Variants in STOX2 observed in about 807,000 individuals in gnomAD.
STOX2 encodes storkhead box 2, also known as storkhead-box protein 2.
In STOX2, 28 loss-of-function variants were observed where a neutral mutation model predicts 60.9. The ratio of observed to expected loss-of-function variants is 0.46; its 90% CI spans 0.34 to 0.63. The LOEUF (loss-of-function observed/expected upper bound fraction) is 0.63. Among genes scored for constraint, STOX2 ranks in the 30% least tolerant of loss-of-function variants. The pLI is 0.01. For synonymous variants in STOX2, 472 were observed against 463.9 expected (o/e 1.02, Z -0.22); for missense variants, 1,024 against 1,187.7 (o/e 0.86, Z 2.03).
At chr4:183,863,641 C>T (rs1740501095) in intron 1 of STOX2, among the ~76,000 whole-genome samples, 1 of 152,148 alleles carries the variant, frequency 6.6e-6, no homozygotes, top group South Asian at 2.1e-4. Context: ...TCTAGGATCT[C>T]AAAGCAGGAA....
At chr4:183,824,564 A>T (rs10016981) in intron 1 of STOX2, among the ~76,000 whole-genome samples, 9,748 of 151,918 alleles carry the variant, frequency 0.064, 1,000 homozygotes, top group African/African-American at 0.22. Context: ...TAATAAAATT[A>T]AAAAAAGATA....
At chr4:183,822,036 C>T (rs1400191341) in intron 1 of STOX2, among the ~76,000 whole-genome samples, 2 of 152,224 alleles carry the variant, frequency 1.3e-5, no homozygotes, top group Admixed American at 6.5e-5. Flanking sequence ...GATTTGCCCT[C>T]CTGGGCAGGG....
chr4:183,943,845 C>G (rs1742815040), intron 1 of STOX2, among the ~76,000 whole-genome samples: 1 of 152,132 alleles, frequency 6.6e-6, no homozygotes, highest in South Asian at 2.1e-4. Context: ...CCACTGCCCT[C>G]CAGCCTGGAC....
At chr4:183,867,415 CG>C (rs1560854169) in intron 1 of STOX2, among the ~76,000 whole-genome samples, 1 of 152,124 alleles carries the variant, frequency 6.6e-6, no homozygotes, top group Non-Finnish European at 1.5e-5. Context: ...AGGCCAAGAT[CG>C]GGACACAGCA....
chr4:183,866,914 A>G (rs1740580643), intron 1 of STOX2, among the ~76,000 whole-genome samples: 2 of 152,198 alleles, frequency 1.3e-5, no homozygotes, highest in African/African-American at 4.8e-5. Context: ...AAAAAGAACA[A>G]TGTATTTTAT....
chr4:184,021,423 G>T lies in STOX2; in HGVS notation c.*4139G>T, dbSNP rs1734587758. On this transcript the variant is annotated 3_prime_UTR_variant, in exon 4 of 4. Transcript: ENST00000308497. ...AAGTCAAAGAAAACAAATACATCTT[G>T]ACACTTTTGTCCATTTTCATTAAAA... 6.8e-6 allele frequency: 1 copy of T among 146,102 alleles called. No individual in the cohort carries two copies. Among genetic ancestry groups the T allele is most frequent in the African/African-American group, 2.6e-5 (1 of 38,992 alleles). 9.1% of individuals were successfully genotyped at this position (146,102 alleles called of 1,614,324 possible). A position where few individuals can be genotyped will look rare whatever the true frequency, so the allele number is the denominator to read the frequency against.
chr4:183,851,492 G>A (rs1262292011), intron 1 of STOX2, among the ~76,000 whole-genome samples: 16 of 45,522 alleles, frequency 3.5e-4, no homozygotes, highest in South Asian at 1.7e-3. Context: ...AAAGGATGAG[G>A]GAAAGGATGA....
chr4:183,930,565 C>T (rs927845974), intron 1 of STOX2, among the ~76,000 whole-genome samples: 5 of 150,656 alleles, frequency 3.3e-5, no homozygotes, highest in Admixed American at 1.3e-4. Flanking sequence ...ATTATATTGC[C>T]CAGGCTAGTC....
At chr4:184,008,886 A>G (rs890513800) in intron 2 of STOX2, among the ~76,000 whole-genome samples, 5 of 152,220 alleles carry the variant, frequency 3.3e-5, no homozygotes, top group African/African-American at 9.6e-5. Context: ...GAAACAGGAA[A>G]CAACAGGTAA....
chr4:183,855,292 A>G (rs1432865346), intron 1 of STOX2, among the ~76,000 whole-genome samples: 1 of 152,214 alleles, frequency 6.6e-6, no homozygotes, highest in Non-Finnish European at 1.5e-5. Flanking sequence ...CTGTTAGGGC[A>G]GCCCATGCCG....
At chr4:183,971,494 C>G (rs1419723618) in intron 1 of STOX2, among the ~76,000 whole-genome samples, 1 of 152,160 alleles carries the variant, frequency 6.6e-6, no homozygotes. Flanking sequence ...AAAGAGAGGA[C>G]AGCACTCATG....
intron 1 of STOX2, among the ~76,000 whole-genome samples, chr4:183,956,792 C>T (rs6810800): frequency 0.34 from 51,696 of 151,758 alleles, 9,656 homozygotes; most frequent in African/African-American, 0.48. Context: ...ATTTCTTCAG[C>T]TTCTTTTAAT....
chr4:183,802,002 C>T (rs145407895), intron 1 of STOX2, among the ~76,000 whole-genome samples: 52 of 152,316 alleles, frequency 3.4e-4, no homozygotes, highest in African/African-American at 1.2e-3. Context: ...GCACAGGCCA[C>T]GGTTAGTACC....
chr4:183,883,321 A>ATTTTT (rs200527349), intron 1 of STOX2, among the ~76,000 whole-genome samples: 2 of 148,622 alleles, frequency 1.3e-5, no homozygotes, highest in Non-Finnish European at 1.5e-5. Context: ...ACATGTTATA[A>ATTTTT]ATTTTTTTTT....
intron 1 of STOX2, among the ~76,000 whole-genome samples, chr4:183,933,992 T>C (rs888737491): frequency 2.6e-5 from 4 of 152,156 alleles, no homozygotes; most frequent in African/African-American, 9.7e-5. Context: ...AATTCAGACT[T>C]GATTCTATCT....
intron 1 of STOX2, among the ~76,000 whole-genome samples, chr4:183,923,511 C>T (rs1206408770): frequency 6.6e-6 from 1 of 152,208 alleles, no homozygotes; most frequent in Non-Finnish European, 1.5e-5. Context: ...ATAACCAACA[C>T]GGAAGGCAGA....
At chr4:183,979,584 A>G (rs1732575634) in intron 1 of STOX2, among the ~76,000 whole-genome samples, 1 of 152,156 alleles carries the variant, frequency 6.6e-6, no homozygotes, top group Non-Finnish European at 1.5e-5. Flanking sequence ...GAGCACTTGA[A>G]ATAATATTTT....
chr4:183,973,855 G>C (rs557836377), intron 1 of STOX2, among the ~76,000 whole-genome samples: 1 of 152,276 alleles, frequency 6.6e-6, no homozygotes, highest in South Asian at 2.1e-4. Flanking sequence ...TTAGCTGGGC[G>C]TGGTGGCGCA....
In STOX2 at chr4:183,859,365, G is replaced by C. The variant is rs530920034; in HGVS notation, c.364+61310G>C. 4.0e-4 allele frequency among the ~76,000 whole-genome samples: 61 copies of C among 152,348 alleles called. 2 individuals carry two copies. The South Asian group carries it at 0.012, about 30-fold the overall frequency. Reference sequence around the variant, plus strand: ...CAACAGGGCAAGATCACGACGCTGGGGAGGAAGAAAGGGTGTCCATCGGGT... The same window carrying C: ...CAACAGGGCAAGATCACGACGCTGGCGAGGAAGAAAGGGTGTCCATCGGGT... On this transcript the variant is annotated intron_variant, in intron 1 of 2. Transcript: ENST00000513034.
Sources: allele counts gnomAD v4.1 joint callset (sites outside exome capture counted in the v4.1 genomes callset), GRCh38; gene constraint gnomAD v4.1.1; transcripts MANE v1.5; gene names NCBI Gene and HGNC (gene_info 2026-07-23, HGNC 2026-07-21).